Variants in BRF1 observed in about 807,000 individuals in gnomAD.
BRF1 encodes BRF1 general transcription factor IIIB subunit.
BRF1 carries 59 observed loss-of-function variants against 81.7 expected under a neutral mutation model. The observed-to-expected ratio is 0.72, with a 90% CI of 0.59 to 0.90. The LOEUF (loss-of-function observed/expected upper bound fraction) is 0.90. Among genes scored for constraint, BRF1 ranks in the 40% least tolerant of loss-of-function variants. The pLI is 0.00. For synonymous variants in BRF1, 491 were observed against 395.6 expected (o/e 1.24, Z -2.86); for missense variants, 1,050 against 936.3 (o/e 1.12, Z -1.58).
chr14:105,249,167 A>G, intron 5 of BRF1: 5 of 1,582,176 alleles, frequency 3.2e-6, no homozygotes, highest in Non-Finnish European at 3.4e-6. Flanking sequence ...GAACGCGCTC[A>G]TGTTCAACAA....
chr14:105,245,946 CT>C (rs1441491895), intron 5 of BRF1, among the ~76,000 whole-genome samples: 1 of 152,188 alleles, frequency 6.6e-6, no homozygotes, highest in Non-Finnish European at 1.5e-5. Context: ...TAAAAAGTTT[CT>C]GCACAGCAAA....
At chr14:105,219,281 G>C (rs1379518151) in intron 12 of BRF1, 49 bp from the exon 13 acceptor site, 1 of 1,602,292 alleles carries the variant, frequency 6.2e-7, no homozygotes, top group Non-Finnish European at 8.5e-7. Context: ...TCGCACACCG[G>C]GGCATGCTAA....
intron 1 of BRF1, among the ~76,000 whole-genome samples, chr14:105,312,590 G>A (rs2140713409): frequency 6.6e-6 from 1 of 152,348 alleles, no homozygotes; most frequent in Non-Finnish European, 1.5e-5. Flanking sequence ...GTCATAGCAT[G>A]GGGAGGGATG....
intron 8 of BRF1, 88 bp downstream of exon 8, chr14:105,226,546 C>G: frequency 6.3e-7 from 1 of 1,587,142 alleles, no homozygotes; most frequent in Non-Finnish European, 8.6e-7. Flanking sequence ...TGGGATGGCA[C>G]CAGCTCTGCT....
At chr14:105,258,131 G>C (rs780758102) in intron 3 of BRF1, among the ~76,000 whole-genome samples, 4 of 152,194 alleles carry the variant, frequency 2.6e-5, no homozygotes, top group Non-Finnish European at 4.4e-5. Flanking sequence ...GGGATTGAAG[G>C]GGGTGTATGG....
At chr14:105,248,985 G>GCGCCCGCGCCGCCGC (rs2055368839) in intron 5 of BRF1, 1 of 986,500 alleles carries the variant, frequency 1.0e-6, no homozygotes, top group African/African-American at 1.8e-5. Flanking sequence ...CAGCGCCCCC[G>GCGCCCGCGCCGCCGC]CGCCAGCGCC....
intron 5 of BRF1, among the ~76,000 whole-genome samples, chr14:105,245,365 A>AAAAAT (rs1566828439): frequency 6.6e-6 from 1 of 152,146 alleles, no homozygotes; most frequent in African/African-American, 2.4e-5. Flanking sequence ...CATCTCAAAA[A>AAAAAT]AAATAAATAA....
chr14:105,221,502 T>C (rs1892280302), intron 11 of BRF1, 146 bp downstream of exon 11: 2 of 1,141,196 alleles, frequency 1.8e-6, no homozygotes, highest in South Asian at 1.7e-5. Flanking sequence ...TTGGGGGGAC[T>C]GGTGGTGCCA....
rs748402251 is a variant in BRF1 at position 105,256,504 on chromosome 14, C to T, written c.471+14G>A. ...ACCCCAGGTGGGGAAAGATGCAGGA[C>T]GGAGGCTGTCTACCTGGAGCAGGTC... On this transcript the variant is annotated intron_variant, in intron 4 of 17. Coordinates refer to ENST00000547530, the MANE Select transcript of BRF1 (RefSeq NM_001519.4). The T allele has an allele frequency of 9.3e-6, 15 of 1,614,028 alleles. No individual in the cohort carries two copies. Among genetic ancestry groups the T allele is most frequent in the African/African-American group, 2.7e-5 (2 of 74,946 alleles).
chr14:105,244,893 C>A (rs1465822263), intron 5 of BRF1, among the ~76,000 whole-genome samples: 3 of 151,862 alleles, frequency 2.0e-5, no homozygotes, highest in Non-Finnish European at 4.4e-5. Flanking sequence ...AACAAAGAAA[C>A]CCTCAATATA....
rs947091595 is a variant in BRF1 at position 105,248,199 on chromosome 14, A to G, written c.544+4308T>C. The stretch of plus-strand genomic sequence containing the variant: ...GGCTGCTGGCGTCCGTAGCAAGCTA[A>G]ATCGCGAAGCATCTGAACGAACGAG... On this transcript the variant is annotated intron_variant, in intron 5 of 17. Transcript: ENST00000547530. The G allele has an allele frequency of 1.7e-5, 17 of 985,392 alleles. No individual in the cohort carries two copies. In the African/African-American group the frequency reaches 3.0e-4, roughly 17 times the overall value. The allele number at this position is 985,392 out of a possible 1,614,324, so 61.0% of individuals were successfully genotyped here.
At chr14:105,223,117 C>T (rs1235271226) in intron 10 of BRF1, among the ~76,000 whole-genome samples, 3 of 152,132 alleles carry the variant, frequency 2.0e-5, no homozygotes, top group Non-Finnish European at 2.9e-5. Context: ...TGCTTGAGCC[C>T]AGGAGGTTGA....
chr14:105,299,476 G>C (rs61996223), intron 1 of BRF1, among the ~76,000 whole-genome samples: 3 of 152,128 alleles, frequency 2.0e-5, no homozygotes, highest in Non-Finnish European at 4.4e-5. Context: ...TCAGGAGGTT[G>C]AGGCAGGAGA....
chr14:105,241,533 C>G (rs905929896), intron 5 of BRF1, 119 bp from the exon 6 acceptor site: 2 of 1,307,414 alleles, frequency 1.5e-6, no homozygotes, highest in Non-Finnish European at 2.1e-6. Context: ...CCAGGCCCCC[C>G]ACCAGTTCCC....
At chr14:105,212,047 C>T in intron 16 of BRF1, 66 bp downstream of exon 16, 10 of 1,584,696 alleles carry the variant, frequency 6.3e-6, no homozygotes, top group Non-Finnish European at 7.7e-6. Context: ...GACCAAGCAT[C>T]TGGGCCCAGG....
At chr14:105,250,067 A>G in intron 5 of BRF1, 1 of 1,612,974 alleles carries the variant, frequency 6.2e-7, no homozygotes. Context: ...TCTGGTCCGA[A>G]TTCCAACCAT....
chr14:105,241,705 G>A (rs757609985), intron 5 of BRF1: 42 of 469,318 alleles, frequency 8.9e-5, no homozygotes, highest in Non-Finnish European at 1.5e-4. Context: ...ACAGAGGGGC[G>A]CACACCCAGC....
chr14:105,214,006 C>T (rs748050387), intron 15 of BRF1, among the ~76,000 whole-genome samples: 3 of 152,228 alleles, frequency 2.0e-5, no homozygotes, highest in African/African-American at 4.8e-5. Flanking sequence ...TTGGCCTGTA[C>T]GGGGGTCCCC....
intron 6 of BRF1, among the ~76,000 whole-genome samples, chr14:105,229,679 AGCAACAACCTAGCATCTCAGGAGAGAG>A (rs1163931582): frequency 1.4e-5 from 2 of 147,640 alleles, no homozygotes; most frequent in East Asian, 2.0e-4. Flanking sequence ...CACCCTCAGG[AGCAACAACCTAGCATCTCAGGAGAGAG>A]AGGCCACACC....
Sources: allele counts gnomAD v4.1 joint callset (sites outside exome capture counted in the v4.1 genomes callset), GRCh38; gene constraint gnomAD v4.1.1; transcripts MANE v1.5; gene names NCBI Gene and HGNC (gene_info 2026-07-23, HGNC 2026-07-21).